TBCA: variants seen among roughly 807,000 people sequenced by gnomAD.
TBCA encodes tubulin-specific chaperone A.
Under a neutral mutation model 15.8 loss-of-function variants are expected in TBCA, and 6 were observed. The ratio of observed to expected loss-of-function variants is 0.38; its 90% CI spans 0.21 to 0.75. The LOEUF is 0.75. TBCA is among the 30% of genes least tolerant of loss of function. The pLI is 0.46. For missense variants in TBCA, 90 were observed against 131.2 expected (o/e 0.69, Z 1.53); for synonymous variants, 32 against 42.3 (o/e 0.76, Z 0.94).
chr5:77,691,583 T>C (rs1580085306), intron 3 of TBCA, 85 bp from the exon 4 acceptor site: 6 of 1,440,442 alleles, frequency 4.2e-6, no homozygotes, highest in East Asian at 5.3e-5. Context: ...AAACCATTAA[T>C]GTTAATAACT....
At chr5:77,712,894 G>C (rs1334295827) in intron 1 of TBCA, among the ~76,000 whole-genome samples, 2 of 152,214 alleles carry the variant, frequency 1.3e-5, no homozygotes, top group East Asian at 3.9e-4. Context: ...TGGGCCCAAG[G>C]GTTTTCAAAG....
At chr5:77,759,578 AAAGT>A (rs1279937029) in intron 1 of TBCA, among the ~76,000 whole-genome samples, 1 of 152,224 alleles carries the variant, frequency 6.6e-6, no homozygotes. Flanking sequence ...TAAAAAATTT[AAAGT>A]AAGCATAAAA....
At chr5:77,753,068 T>C (rs1393816815) in intron 1 of TBCA, among the ~76,000 whole-genome samples, 1 of 152,198 alleles carries the variant, frequency 6.6e-6, no homozygotes, top group Non-Finnish European at 1.5e-5. Flanking sequence ...TCCTTGTGTT[T>C]TATAAACTTC....
intron 1 of TBCA, among the ~76,000 whole-genome samples, chr5:77,775,078 G>T (rs1205576135): frequency 6.6e-6 from 1 of 151,150 alleles, no homozygotes; most frequent in Non-Finnish European, 1.5e-5. Context: ...CAGTTCTGTT[G>T]TATTTCACCC....
rs754778764 is a variant in TBCA at position 77,708,365 on chromosome 5, A to T, written c.54-18T>A. 17 of 1,518,078 alleles carry T rather than the reference A, an allele frequency of 1.1e-5. No homozygotes were observed. The African/African-American group carries it at 2.3e-4, about 21-fold the overall frequency. 94.0% of individuals were successfully genotyped at this position (1,518,078 alleles called of 1,614,324 possible). A position where few individuals can be genotyped will look rare whatever the true frequency, so the allele number is the denominator to read the frequency against. Reference sequence around the variant, plus strand: ...TGACCAACCTATAAAAAAGCCAAAAATGTTTTAGAAAATTAGCTTTCTCTC... The same window carrying T: ...TGACCAACCTATAAAAAAGCCAAAATTGTTTTAGAAAATTAGCTTTCTCTC... On this transcript the variant is annotated intron_variant, in intron 1 of 3. Transcript: ENST00000380377.
intron 1 of TBCA, among the ~76,000 whole-genome samples, chr5:77,729,114 G>A (rs1746699455): frequency 6.6e-6 from 1 of 152,060 alleles, no homozygotes. Flanking sequence ...CGGAGTTCAA[G>A]ACCAGCCTGG....
In TBCA at chr5:77,752,355, A is replaced by G. The variant is rs565819995; in HGVS notation, c.53+23850T>C. Among the ~76,000 whole-genome samples the G allele has an allele frequency of 1.3e-4, 20 of 152,068 alleles. No homozygotes were observed. The South Asian group carries it at 1.7e-3, about 13-fold the overall frequency. Reference sequence around the variant, plus strand: ...TTTATCCATTTAGGTTTATCTGTATAATTTTTTCCTTCCTTCCTTCCGATT... The same window carrying G: ...TTTATCCATTTAGGTTTATCTGTATGATTTTTTCCTTCCTTCCTTCCGATT... On this transcript the variant is annotated intron_variant, in intron 1 of 3. Transcript: ENST00000380377.
intron 1 of TBCA, among the ~76,000 whole-genome samples, chr5:77,762,701 C>T (rs1399612360): frequency 6.6e-6 from 1 of 152,112 alleles, no homozygotes. Context: ...GTTTTCAGGA[C>T]CCAGTATACA....
intron 1 of TBCA, among the ~76,000 whole-genome samples, chr5:77,747,729 T>C (rs1561279078): frequency 6.6e-6 from 1 of 152,182 alleles, no homozygotes; most frequent in Non-Finnish European, 1.5e-5. Flanking sequence ...TGCTTCTTCT[T>C]ATTCTATTTG....
Position 77,693,272 on chromosome 5 carries a change from C to A in TBCA, c.240G>T (p.Arg80=). Residue 80 remains arginine (R), a synonymous_variant, in exon 3 of 4, where the codon CGG becomes CGT. Transcript: ENST00000380377. ...RLEAAYLDLQ[R]ILENEKDLEE... ...CACAGAAGTCTTTGCTTACTAGTAT[C>A]CGTTGAAGATCCAAATATGCGGCTT... 6.2e-7 allele frequency: 1 copy of A among 1,613,754 alleles called. No individual in the cohort carries two copies. The highest frequency in any genetic ancestry group is 8.5e-7 in the Non-Finnish European group (1 of 1,179,908).
chr5:77,738,316 T>G lies in TBCA; in HGVS notation c.54-29969A>C, dbSNP rs556003972. Among the ~76,000 whole-genome samples the G allele has an allele frequency of 7.9e-5, 12 of 152,358 alleles. No individual in the cohort carries two copies. In the South Asian group the frequency reaches 1.4e-3, roughly 18 times the overall value. On this transcript the variant is annotated intron_variant, in intron 1 of 3. Coordinates refer to ENST00000380377, the MANE Select transcript of TBCA (RefSeq NM_004607.3). The stretch of plus-strand genomic sequence containing the variant: ...GCATGGGTTTTGGCATTGAGAAGAT[T>G]AACTTGCCTATGTTCAAGTCTTAGT...
rs988045703 is a variant in TBCA at position 77,757,531 on chromosome 5, T to G, written c.53+18674A>C. On this transcript the variant is annotated intron_variant, in intron 1 of 3. Coordinates refer to ENST00000380377, the MANE Select transcript of TBCA (RefSeq NM_004607.3). Reference sequence around the variant, plus strand: ...GCAACAACAACAACAAAAAACAACTTTAGATCTCAACCAAATTTTGGGACA... The same window carrying G: ...GCAACAACAACAACAAAAAACAACTGTAGATCTCAACCAAATTTTGGGACA... 3.3e-5 allele frequency among the ~76,000 whole-genome samples: 5 copies of G among 152,220 alleles called. No homozygotes were observed. The South Asian group carries it at 6.2e-4, about 19-fold the overall frequency.
At chr5:77,708,525 C>G (rs1746201302) in intron 1 of TBCA, 178 bp from the exon 2 acceptor site, 2 of 464,614 alleles carry the variant, frequency 4.3e-6, no homozygotes, top group Non-Finnish European at 7.8e-6. Flanking sequence ...TCCTCATGCT[C>G]TTAAGTCCTA....
At chr5:77,718,508 C>T (rs351879) in intron 1 of TBCA, among the ~76,000 whole-genome samples, 146,833 of 152,266 alleles carry the variant, frequency 0.96, 71,093 homozygotes, top group Non-Finnish European at 0.98. Flanking sequence ...TTCCTTAGTA[C>T]GGAAGAACTA....
intron 1 of TBCA, among the ~76,000 whole-genome samples, chr5:77,743,246 T>G (rs1470519424): frequency 6.6e-6 from 1 of 152,246 alleles, no homozygotes; most frequent in Non-Finnish European, 1.5e-5. Flanking sequence ...TGGACTAAGA[T>G]ACCTAAATTC....
intron 1 of TBCA, among the ~76,000 whole-genome samples, chr5:77,760,995 G>A (rs544909536): frequency 2.0e-5 from 3 of 147,350 alleles, no homozygotes; most frequent in South Asian, 2.2e-4. Flanking sequence ...CTGCCCGGCC[G>A]CCACCCCGTC....
chr5:77,693,518 G>C, intron 2 of TBCA, 166 bp from the exon 3 acceptor site: 2 of 880,756 alleles, frequency 2.3e-6, no homozygotes, highest in Non-Finnish European at 3.4e-6. Context: ...AGTTAGAAAG[G>C]CCAGGCACAG....
intron 1 of TBCA, among the ~76,000 whole-genome samples, chr5:77,768,286 T>C (rs1469683656): frequency 1.3e-5 from 2 of 152,206 alleles, no homozygotes; most frequent in Admixed American, 6.5e-5. Context: ...GTGCTTTACA[T>C]GATTACCTTA....
chr5:77,705,633 G>A (rs1746133438), intron 2 of TBCA: 2 of 398,278 alleles, frequency 5.0e-6, no homozygotes, highest in Non-Finnish European at 8.8e-6. Flanking sequence ...TTGAAGACCA[G>A]CCTAAACAAG....
Sources: gnomAD v4.1 joint callset for allele counts (sites outside exome capture counted in the v4.1 genomes callset) on GRCh38, gnomAD v4.1.1 for gene constraint, MANE v1.5 for transcripts, NCBI Gene and HGNC (gene_info 2026-07-23, HGNC 2026-07-21) for gene names.